The following COL24A1 variants were observed in gnomAD, a reference collection of about 807,000 sequenced individuals.
The protein encoded by COL24A1 is collagen type XXIV alpha 1 chain.
In COL24A1, 224 loss-of-function variants were observed where a neutral mutation model predicts 253.9. The observed-to-expected ratio is 0.88, with a 90% CI of 0.79 to 0.99. The LOEUF (loss-of-function observed/expected upper bound fraction) is 0.99. Ranked by LOEUF, COL24A1 falls within the 50% of genes least tolerant of loss-of-function variation. The pLI, the probability that COL24A1 is intolerant of heterozygous loss-of-function variation, is 0.00. For synonymous variants in COL24A1, 685 were observed against 673.7 expected (o/e 1.02, Z -0.26); for missense variants, 2,131 against 2,068.5 (o/e 1.03, Z -0.59).
chr1:85,763,744 G>A (rs555586417), intron 53 of COL24A1, among the ~76,000 whole-genome samples: 4 of 151,812 alleles, frequency 2.6e-5, no homozygotes, highest in Admixed American at 6.6e-5. Context: ...ATCCACCTGC[G>A]TTGGCCTCCC....
intron 7 of COL24A1, among the ~76,000 whole-genome samples, chr1:86,080,676 T>G (rs1702573773): frequency 6.6e-6 from 1 of 152,064 alleles, no homozygotes; most frequent in Admixed American, 6.6e-5. Context: ...ATAAATATGT[T>G]AACAAAAATT....
Position 85,935,819 on chromosome 1 carries a change from C to T in COL24A1, c.2563-24386G>A, listed in dbSNP as rs779330463. Among the ~76,000 whole-genome samples the T allele has an allele frequency of 2.0e-5, 3 of 147,476 alleles. 1 individual carries two copies. Among genetic ancestry groups the T allele is most frequent in the African/African-American group, 5.0e-5 (2 of 40,210 alleles). On this transcript the variant is annotated intron_variant, in intron 24 of 59. Transcript: ENST00000370571. ...AACATACGTAGAATGAATGAGTGAA[C>T]AACTTAGAGCAGTAGTGGTGGAAAC...
intron 24 of COL24A1, among the ~76,000 whole-genome samples, chr1:85,950,687 C>T (rs780290804): frequency 6.6e-5 from 10 of 152,060 alleles, no homozygotes; most frequent in African/African-American, 1.7e-4. Flanking sequence ...TTTTGCTTCA[C>T]GAATCATGGC....
chr1:85,999,347 G>C (rs1208742875), intron 19 of COL24A1, among the ~76,000 whole-genome samples: 1 of 152,094 alleles, frequency 6.6e-6, no homozygotes, highest in Non-Finnish European at 1.5e-5. Flanking sequence ...GATTCCAGCT[G>C]GGGGCAGTGG....
At chr1:85,937,844 T>C (rs935619117) in intron 24 of COL24A1, among the ~76,000 whole-genome samples, 2 of 147,382 alleles carry the variant, frequency 1.4e-5, no homozygotes, top group Non-Finnish European at 3.0e-5. Flanking sequence ...GCTTTGAAAA[T>C]GGGTGGCCTT....
At chr1:85,838,498 T>G (rs1676255582) in intron 43 of COL24A1, 87 bp downstream of exon 43, 1 of 1,152,904 alleles carries the variant, frequency 8.7e-7, no homozygotes, top group Middle Eastern at 2.2e-4. Flanking sequence ...CATTACTAAT[T>G]ATCTCAATAA....
chr1:85,764,334 A>G (rs1481890914), intron 53 of COL24A1, among the ~76,000 whole-genome samples: 1 of 152,066 alleles, frequency 6.6e-6, no homozygotes, highest in East Asian at 1.9e-4. Flanking sequence ...CTAGATAGTA[A>G]TGTAATTAGA....
At chr1:85,832,340 T>C (rs1675393781) in intron 43 of COL24A1, among the ~76,000 whole-genome samples, 1 of 152,076 alleles carries the variant, frequency 6.6e-6, no homozygotes, top group Non-Finnish European at 1.5e-5. Context: ...CCTTGTAGTA[T>C]AGTTTGAAGT....
chr1:86,005,149 C>T (rs116653429), intron 19 of COL24A1, among the ~76,000 whole-genome samples: 3,085 of 152,182 alleles, frequency 0.02, 39 homozygotes, highest in Middle Eastern at 0.068. Context: ...TTGACAGAGG[C>T]CACAGTTCAT....
chr1:85,903,558 G>A (rs1195770663), intron 28 of COL24A1, among the ~76,000 whole-genome samples: 1 of 152,114 alleles, frequency 6.6e-6, no homozygotes, highest in Non-Finnish European at 1.5e-5. Flanking sequence ...TTCTCTTAGA[G>A]TAACTATGCT....
At chr1:85,844,661 TA>T (rs1676975011) in intron 39 of COL24A1, among the ~76,000 whole-genome samples, 1 of 151,602 alleles carries the variant, frequency 6.6e-6, no homozygotes, top group Non-Finnish European at 1.5e-5. Context: ...AAGAAGAACA[TA>T]ACCAAAGGAA....
chr1:85,955,570 C>T (rs1690367276), intron 24 of COL24A1, among the ~76,000 whole-genome samples: 1 of 152,246 alleles, frequency 6.6e-6, no homozygotes, highest in Non-Finnish European at 1.5e-5. Context: ...AAATGCTACG[C>T]ACTACCTGCC....
intron 57 of COL24A1, among the ~76,000 whole-genome samples, chr1:85,743,304 T>A (rs570852634): frequency 6.6e-6 from 1 of 152,220 alleles, no homozygotes; most frequent in Non-Finnish European, 1.5e-5. Context: ...ACTTGCTAGG[T>A]ATACTCAAAG....
At chr1:86,023,114 G>T in intron 14 of COL24A1, 107 bp from the exon 15 acceptor site, 1 of 868,844 alleles carries the variant, frequency 1.2e-6, no homozygotes, top group Non-Finnish European at 1.8e-6. Context: ...AACTCACTAA[G>T]CTCCTACACG....
rs143026099 is a variant in COL24A1 at position 86,045,242 on chromosome 1, G to A, written c.1950+1583C>T. ...TGACCTCAACTGATCTGCCCGACTC[G>A]GCCTCCCAAAGTGCTGGGATTACAG... On this transcript the variant is annotated intron_variant, in intron 12 of 59. Coordinates refer to ENST00000370571, the MANE Select transcript of COL24A1 (RefSeq NM_152890.7). Among the ~76,000 whole-genome samples the A allele has an allele frequency of 3.3e-3, 495 of 152,166 alleles. 2 individuals carry two copies. The highest frequency in any genetic ancestry group is 6.8e-3 in the Middle Eastern group (2 of 294).
At chr1:85,971,532 T>G (rs1437128498) in intron 20 of COL24A1, 139 bp from the exon 21 acceptor site, 2 of 669,416 alleles carry the variant, frequency 3.0e-6, no homozygotes, top group Non-Finnish European at 5.0e-6. Flanking sequence ...TGGGTTGCAG[T>G]ATGGGCAAAC....
intron 31 of COL24A1, among the ~76,000 whole-genome samples, chr1:85,891,867 T>C (rs996611073): frequency 6.8e-6 from 1 of 146,952 alleles, no homozygotes; most frequent in Non-Finnish European, 1.5e-5. Context: ...GTGGACTCTG[T>C]TTTTATTGGG....
chr1:85,808,475 ATTG>A (rs1482472926), intron 47 of COL24A1, among the ~76,000 whole-genome samples: 3 of 152,216 alleles, frequency 2.0e-5, no homozygotes, highest in African/African-American at 7.2e-5. Flanking sequence ...AGTAAAGATA[ATTG>A]GAAGCAGTTT....
chr1:86,005,008 A>G (rs918836828), intron 19 of COL24A1, among the ~76,000 whole-genome samples: 3 of 152,192 alleles, frequency 2.0e-5, no homozygotes, highest in African/African-American at 7.2e-5. Context: ...CTCTTCAGCA[A>G]TGAAGGTTTA....
Sources: allele counts gnomAD v4.1 joint callset (sites outside exome capture counted in the v4.1 genomes callset), GRCh38; gene constraint gnomAD v4.1.1; transcripts MANE v1.5; gene names NCBI Gene and HGNC (gene_info 2026-07-23, HGNC 2026-07-21).